NDRG3: variants seen among roughly 807,000 people sequenced by gnomAD.
NDRG3 encodes NDRG family member 3, also known as protein NDRG3.
NDRG3 carries 23 observed loss-of-function variants against 57.2 expected under a neutral mutation model. That is an observed-to-expected ratio of 0.40 (90% CI 0.29 to 0.57). NDRG3 has a LOEUF of 0.57. Among genes scored for constraint, NDRG3 ranks in the 20% least tolerant of loss-of-function variants. The pLI is 0.42. For synonymous variants in NDRG3, 132 were observed against 162.6 expected, an observed-to-expected ratio of 0.81 and a Z score of 1.43; for missense variants, 384 against 457.3, an observed-to-expected ratio of 0.84 and a Z score of 1.46.
intron 1 of NDRG3, among the ~76,000 whole-genome samples, chr20:36,738,905 C>A (rs1422885686): frequency 6.8e-6 from 1 of 147,614 alleles, no homozygotes; most frequent in Admixed American, 6.8e-5. Flanking sequence ...GGGTGGATCA[C>A]CTGAGGTCAG....
rs34146274 is a variant in NDRG3, at chr20:36,674,886, A to ATTT, written c.532-3492_532-3490dup. Reference sequence around the variant, plus strand: ...GGCATGAGCCACCATGCCCAGCCAGATTTTTTTTTTTTTTTTTTTTTTTTT... The same window carrying ATTT: ...GGCATGAGCCACCATGCCCAGCCAGATTTTTTTTTTTTTTTTTTTTTTTTTTTT... On this transcript the variant is annotated intron_variant, in intron 8 of 15. Coordinates refer to ENST00000349004, the MANE Select transcript of NDRG3 (RefSeq NM_032013.4). Among the ~76,000 whole-genome samples, 63 of 39,698 alleles carry ATTT rather than the reference A, an allele frequency of 1.6e-3. 3 individuals carry two copies. Among genetic ancestry groups the ATTT allele is most frequent in the Non-Finnish European group, 2.5e-3 (58 of 23,282 alleles). 26.0% of individuals were successfully genotyped at this position (39,698 alleles called of 152,430 possible).
chr20:36,675,758 G>A (rs931705083), intron 8 of NDRG3, among the ~76,000 whole-genome samples: 5 of 152,046 alleles, frequency 3.3e-5, no homozygotes, highest in Non-Finnish European at 7.3e-5. Flanking sequence ...GTGGGCTCAA[G>A]CGATCCTCCT....
intron 3 of NDRG3, among the ~76,000 whole-genome samples, chr20:36,695,345 G>A (rs749828450): frequency 1.4e-4 from 21 of 152,318 alleles, no homozygotes; most frequent in East Asian, 7.7e-4. Context: ...CTGGATAACA[G>A]TGATGTTCAA....
intron 6 of NDRG3, among the ~76,000 whole-genome samples, chr20:36,682,990 C>G (rs1981446247): frequency 6.6e-6 from 1 of 151,902 alleles, no homozygotes; most frequent in African/African-American, 2.4e-5. Context: ...CGCCTGTAAT[C>G]CCAGCACTTT....
chr20:36,702,535 GT>G (rs1366490775), intron 3 of NDRG3, among the ~76,000 whole-genome samples: 1 of 151,704 alleles, frequency 6.6e-6, no homozygotes, highest in Non-Finnish European at 1.5e-5. Flanking sequence ...TTGTTTGTTT[GT>G]TTTTGAGACA....
At chr20:36,697,076 A>G (rs1600916751) in intron 3 of NDRG3, among the ~76,000 whole-genome samples, 1 of 152,228 alleles carries the variant, frequency 6.6e-6, no homozygotes, top group Admixed American at 6.5e-5. Context: ...TATCAAAAGA[A>G]CTTTGAAAGG....
Position 36,653,183 on chromosome 20 carries a change from C to T in NDRG3, c.*337G>A. The T allele has an allele frequency of 4.8e-6, 1 of 208,000 alleles. No individual in the cohort carries two copies. The highest frequency in any genetic ancestry group is 9.7e-6 in the Non-Finnish European group (1 of 103,598). The allele number at this position is 208,000 out of a possible 1,614,324, so 12.9% of individuals were successfully genotyped here. A position where few individuals can be genotyped will look rare whatever the true frequency, so the allele number is the denominator to read the frequency against. On this transcript the variant is annotated 3_prime_UTR_variant, in exon 16 of 16. Coordinates refer to ENST00000349004, the MANE Select transcript of NDRG3 (RefSeq NM_032013.4). The surrounding 1 kb of genome is among the most constrained non-coding windows in gnomAD (Gnocchi z 4.2). Reference sequence around the variant, plus strand: ...CCACAGAACTATGCACACACAAACACAGACACGCGTGCTCGCACACACAGA... The same window carrying T: ...CCACAGAACTATGCACACACAAACATAGACACGCGTGCTCGCACACACAGA...
intron 1 of NDRG3, among the ~76,000 whole-genome samples, chr20:36,732,781 G>T (rs1985357077): frequency 6.6e-6 from 1 of 152,066 alleles, no homozygotes; most frequent in African/African-American, 2.4e-5. Context: ...GGACATGAGG[G>T]TCTCAGCTTG....
At chr20:36,680,924 A>G (rs879013645) in intron 7 of NDRG3, 22 bp from the exon 8 acceptor site, 6 of 1,599,030 alleles carry the variant, frequency 3.8e-6, no homozygotes, top group Non-Finnish European at 4.3e-6. Context: ...GGCAAAGACA[A>G]TAGTATGAAA....
intron 9 of NDRG3, among the ~76,000 whole-genome samples, chr20:36,668,058 T>C (rs935658014): frequency 1.8e-4 from 27 of 152,152 alleles, no homozygotes; most frequent in Non-Finnish European, 3.4e-4. Context: ...TGGGTTAACA[T>C]AGTGAGACCC....
intron 1 of NDRG3, among the ~76,000 whole-genome samples, chr20:36,739,207 G>A (rs1434079809): frequency 6.8e-6 from 1 of 147,604 alleles, no homozygotes; most frequent in Non-Finnish European, 1.5e-5. Context: ...CCAGCACTTT[G>A]GGAGGCCGAG....
chr20:36,725,093 C>T (rs1984842341), intron 1 of NDRG3, among the ~76,000 whole-genome samples: 1 of 147,292 alleles, frequency 6.8e-6, no homozygotes, highest in Non-Finnish European at 1.5e-5. Flanking sequence ...GTCAGGTGTT[C>T]AAGACCAGCC....
chr20:36,738,677 G>A (rs1985738953), intron 1 of NDRG3, among the ~76,000 whole-genome samples: 1 of 151,372 alleles, frequency 6.6e-6, no homozygotes, highest in African/African-American at 2.4e-5. Context: ...ACAAAAATTA[G>A]TCAGGTGTGG....
chr20:36,701,481 G>A (rs890881883), intron 3 of NDRG3, among the ~76,000 whole-genome samples: 4 of 151,782 alleles, frequency 2.6e-5, no homozygotes, highest in African/African-American at 4.8e-5. Flanking sequence ...GGAGTTCGAG[G>A]TTACTGTGAG....
intron 1 of NDRG3, among the ~76,000 whole-genome samples, chr20:36,744,110 G>A (rs1986065505): frequency 6.6e-6 from 1 of 151,850 alleles, no homozygotes; most frequent in African/African-American, 2.4e-5. Flanking sequence ...CCCCGTATTA[G>A]CCAGGATGGT....
At chr20:36,668,421 C>T (rs888781171) in intron 9 of NDRG3, 2 of 152,156 alleles carry the variant, frequency 1.3e-5, no homozygotes, top group African/African-American at 4.8e-5. Context: ...CTAGTACAAA[C>T]GTATTTTTAA....
At chr20:36,704,722 T>C (rs1983443203) in intron 3 of NDRG3, among the ~76,000 whole-genome samples, 1 of 152,210 alleles carries the variant, frequency 6.6e-6, no homozygotes, top group South Asian at 2.1e-4. Context: ...GTATCAGCAC[T>C]AGGCTGATAA....
At chr20:36,733,145 TCAA>T (rs1985378681) in intron 1 of NDRG3, among the ~76,000 whole-genome samples, 1 of 12,542 alleles carries the variant, frequency 8.0e-5, no homozygotes, top group African/African-American at 3.8e-4. Flanking sequence ...CGATCCTGTC[TCAA>T]AAAAAAAAAA....
intron 9 of NDRG3, among the ~76,000 whole-genome samples, chr20:36,670,718 T>C (rs532485383): frequency 3.3e-5 from 5 of 152,292 alleles, no homozygotes; most frequent in South Asian, 2.1e-4. Context: ...CAGAAAACAA[T>C]TGAGCACCCA....
Sources: allele counts gnomAD v4.1 joint callset (sites outside exome capture counted in the v4.1 genomes callset), GRCh38; gene constraint gnomAD v4.1.1; non-coding constraint Gnocchi (gnomAD v3.1); transcripts MANE v1.5; gene names NCBI Gene and HGNC (gene_info 2026-07-23, HGNC 2026-07-21).